Variants in PPARA observed in about 807,000 individuals in gnomAD.
PPARA encodes the protein peroxisome proliferator activated receptor alpha.
Under a neutral mutation model 42.2 loss-of-function variants are expected in PPARA, and 22 were observed. The ratio of observed to expected loss-of-function variants is 0.52; its 90% confidence interval spans 0.37 to 0.74. The LOEUF (loss-of-function observed/expected upper bound fraction) is 0.74, where lower values mean the gene tolerates loss of function less well. PPARA is among the 30% of genes least tolerant of loss of function. The pLI, the probability that PPARA is intolerant of heterozygous loss-of-function variation, is 0.00. For missense variants in PPARA, 465 were observed against 608.2 expected (o/e 0.76, Z 2.48); for synonymous variants, 242 against 239.3 (o/e 1.01, Z -0.10).
chr22:46,205,533 TA>T (rs1569225957), intron 4 of PPARA, among the ~76,000 whole-genome samples: 173 of 32,858 alleles, frequency 5.3e-3, no homozygotes, highest in African/African-American at 0.013. Context: ...TATATATATA[TA>T]TATATATATA....
At chr22:46,220,053 T>C (rs1471720695) in intron 7 of PPARA, 39 bp downstream of exon 7, 4 of 1,598,360 alleles carry the variant, frequency 2.5e-6, no homozygotes, top group Non-Finnish European at 8.6e-7. Context: ...CTTGGCAACA[T>C]GGAACCAGTG....
At position 46,173,602 on chromosome 22, in the gene PPARA, C is replaced by G. The variant is rs1482841694; in HGVS notation, c.-126-3151C>G. Among the ~76,000 whole-genome samples the G allele has an allele frequency of 6.6e-6, 1 of 151,970 alleles. No homozygotes were observed. The highest frequency in any genetic ancestry group is 2.4e-5 in the African/African-American group (1 of 41,360). ...TATCATAAAAGACAAAGAAAAGCTGCGGAAATGTTTCAGATTAAAAGAGAG... is the reference window on the plus strand; with the variant it reads ...TATCATAAAAGACAAAGAAAAGCTGGGGAAATGTTTCAGATTAAAAGAGAG... On this transcript the variant is annotated intron_variant, in intron 2 of 8. Coordinates refer to ENST00000407236, the MANE Select transcript of PPARA (RefSeq NM_005036.6). The surrounding 1 kb of genome is among the most constrained non-coding windows in gnomAD (Gnocchi z 4.3).
rs1931159749 is a variant in PPARA, at chr22:46,188,776, G to A, written c.-42-9566G>A. The A allele has an allele frequency of 6.6e-6, 1 of 152,214 alleles. No homozygotes were observed. Among genetic ancestry groups the A allele is most frequent in the Admixed American group, 6.5e-5 (1 of 15,272 alleles). The allele number at this position is 152,214 out of a possible 1,614,324, so 9.4% of individuals were successfully genotyped here. Reference sequence around the variant, plus strand: ...GGGCTGTGGATCCCTTCAAAGCTGAGATTGCCTGTCTGTGGTCTCCAGCGT... The same window carrying A: ...GGGCTGTGGATCCCTTCAAAGCTGAAATTGCCTGTCTGTGGTCTCCAGCGT... On this transcript the variant is annotated intron_variant, in intron 3 of 8. Transcript: ENST00000407236. The surrounding 1 kb of genome is among the most constrained non-coding windows in gnomAD (Gnocchi z 5.0).
In PPARA at chr22:46,193,389, G is replaced by A. The variant is rs1013954924; in HGVS notation, c.-42-4953G>A. Among the ~76,000 whole-genome samples, 1 of 152,060 alleles carries A rather than the reference G, an allele frequency of 6.6e-6. No homozygotes were observed. Among genetic ancestry groups the A allele is most frequent in the African/African-American group, 2.4e-5 (1 of 41,404 alleles). ...CCACTGTTTGATAGCATAATAGGGC[G>A]ACTATAGTCAATAATAACTTAATGG... On this transcript the variant is annotated intron_variant, in intron 3 of 8. Coordinates refer to ENST00000407236, the MANE Select transcript of PPARA (RefSeq NM_005036.6). The surrounding 1 kb of genome is among the most constrained non-coding windows in gnomAD (Gnocchi z 5.3).
In PPARA at chr22:46,225,841, A is replaced by G. The variant is rs376166282; in HGVS notation, c.711+5827A>G. ...TGCACACAGACGCACCTCCACCCCCACACACGCACACACACACATGCACCC... is the reference window on the plus strand; with the variant it reads ...TGCACACAGACGCACCTCCACCCCCGCACACGCACACACACACATGCACCC... On this transcript the variant is annotated intron_variant, in intron 7 of 8. Transcript: ENST00000407236. The surrounding 1 kb of genome is among the most constrained non-coding windows in gnomAD (Gnocchi z 4.1). Among the ~76,000 whole-genome samples, 6 of 151,504 alleles carry G rather than the reference A, an allele frequency of 4.0e-5. No individual in the cohort carries two copies. Among genetic ancestry groups the G allele is most frequent in the Non-Finnish European group, 7.4e-5 (5 of 67,918 alleles).
Position 46,200,489 on chromosome 22 carries a change from A to G in PPARA, c.208+1898A>G, listed in dbSNP as rs759803791. 6.6e-6 allele frequency among the ~76,000 whole-genome samples: 1 copy of G among 152,270 alleles called. No individual in the cohort carries two copies. Among genetic ancestry groups the G allele is most frequent in the Non-Finnish European group, 1.5e-5 (1 of 68,040 alleles). ...TGCGTCTAAACATACCAAAACATATAGTAGAAAAGGTTACAGCAAAAATAC... is the reference window on the plus strand; with the variant it reads ...TGCGTCTAAACATACCAAAACATATGGTAGAAAAGGTTACAGCAAAAATAC... On this transcript the variant is annotated intron_variant, in intron 4 of 8. Transcript: ENST00000407236. The surrounding 1 kb of genome is among the most constrained non-coding windows in gnomAD (Gnocchi z 4.8).
rs1416261779 is a variant in PPARA, at chr22:46,234,099, C to G, written c.1160-1034C>G. 6.6e-6 allele frequency among the ~76,000 whole-genome samples: 1 copy of G among 152,116 alleles called. No homozygotes were observed. ...TCGGCCTCCCAAAGTGCTGGGATTACAGGCATGAGCCACTGCACCCGGCAA... is the reference window on the plus strand; with the variant it reads ...TCGGCCTCCCAAAGTGCTGGGATTAGAGGCATGAGCCACTGCACCCGGCAA... On this transcript the variant is annotated intron_variant, in intron 8 of 8. Transcript: ENST00000407236. This position sits in a 1 kb window ranked among gnomAD's most constrained non-coding sequence, Gnocchi z 5.8.
intron 4 of PPARA, among the ~76,000 whole-genome samples, chr22:46,209,596 T>G (rs1282265111): frequency 6.6e-6 from 1 of 152,224 alleles, no homozygotes; most frequent in African/African-American, 2.4e-5. Flanking sequence ...AATCTGCTCC[T>G]AATCCTATCC....
chr22:46,214,522 T>C (rs1044065833), intron 4 of PPARA, among the ~76,000 whole-genome samples: 2 of 78,610 alleles, frequency 2.5e-5, no homozygotes, highest in Non-Finnish European at 4.8e-5. Context: ...AGAGCGGAGA[T>C]GTGTGGATCA....
chr22:46,222,447 T>C lies in PPARA; in HGVS notation c.711+2433T>C, dbSNP rs1376610238. Among the ~76,000 whole-genome samples, 1 of 152,242 alleles carries C rather than the reference T, an allele frequency of 6.6e-6. No individual in the cohort carries two copies. The highest frequency in any genetic ancestry group is 1.9e-4 in the East Asian group (1 of 5,200). On this transcript the variant is annotated intron_variant, in intron 7 of 8. Coordinates refer to ENST00000407236, the MANE Select transcript of PPARA (RefSeq NM_005036.6). The surrounding 1 kb of genome is among the most constrained non-coding windows in gnomAD (Gnocchi z 5.9). Reference sequence around the variant, plus strand: ...GAAAATAAAGCATTTCACAAGCTACTTACTTTCATGAACAAACCAAACCTC... The same window carrying C: ...GAAAATAAAGCATTTCACAAGCTACCTACTTTCATGAACAAACCAAACCTC...
Position 46,204,031 on chromosome 22 carries a change from C to G in PPARA, c.208+5440C>G, listed in dbSNP as rs1310294856. Among the ~76,000 whole-genome samples the G allele has an allele frequency of 6.6e-6, 1 of 152,256 alleles. No homozygotes were observed. Among genetic ancestry groups the G allele is most frequent in the African/African-American group, 2.4e-5 (1 of 41,468 alleles). On this transcript the variant is annotated intron_variant, in intron 4 of 8. Coordinates refer to ENST00000407236, the MANE Select transcript of PPARA (RefSeq NM_005036.6). The surrounding 1 kb of genome is among the most constrained non-coding windows in gnomAD (Gnocchi z 5.2). ...GCCCCGTGCCTCCCTGCCTCCCTCC[C>G]CCAGTAAACCATGAATCCACTTTCT...
chr22:46,239,694 C>G lies in PPARA; in HGVS notation c.*4314C>G, dbSNP rs1018769250. ...CCCCTCTCCTCTTCACCTCTTCCTG[C>G]TGGCCACGAGGAAGCCACTTCCTCA... On this transcript the variant is annotated 3_prime_UTR_variant, in exon 9 of 9. Coordinates refer to ENST00000407236, the MANE Select transcript of PPARA (RefSeq NM_005036.6). The G allele has an allele frequency of 2.8e-5, 4 of 140,978 alleles. No homozygotes were observed. Among genetic ancestry groups the G allele is most frequent in the African/African-American group, 1.1e-4 (4 of 37,284 alleles). The allele number at this position is 140,978 out of a possible 1,614,324, so 8.7% of individuals were successfully genotyped here. A position where few individuals can be genotyped will look rare whatever the true frequency, so the allele number is the denominator to read the frequency against.
rs1426574902 is a variant in PPARA at position 46,188,501 on chromosome 22, T to C, written c.-42-9841T>C. 6.6e-6 allele frequency among the ~76,000 whole-genome samples: 1 copy of C among 152,192 alleles called. No homozygotes were observed. The highest frequency in any genetic ancestry group is 1.5e-5 in the Non-Finnish European group (1 of 68,034). ...GTAACAGCCCTCATCATGCTGCCTT[T>C]GCAACCATTTGTTTATTTGTACCTC... On this transcript the variant is annotated intron_variant, in intron 3 of 8. Transcript: ENST00000407236. The surrounding 1 kb of genome is among the most constrained non-coding windows in gnomAD (Gnocchi z 5.0).
intron 4 of PPARA, among the ~76,000 whole-genome samples, chr22:46,205,316 A>G (rs1386277649): frequency 1.3e-5 from 2 of 150,984 alleles, no homozygotes; most frequent in African/African-American, 4.9e-5. Flanking sequence ...TCCCAGGCCC[A>G]GGTAATCCTC....
rs1009700504 is a variant in PPARA at position 46,203,825 on chromosome 22, A to G, written c.208+5234A>G. ...GTCCCCGTCCCTTGCGGGCCTGTCC[A>G]GACAAGGGAACCCTGGGCAGGTTCC... On this transcript the variant is annotated intron_variant, in intron 4 of 8. Coordinates refer to ENST00000407236, the MANE Select transcript of PPARA (RefSeq NM_005036.6). This position sits in a 1 kb window ranked among gnomAD's most constrained non-coding sequence, Gnocchi z 5.8. Among the ~76,000 whole-genome samples, 2 of 152,158 alleles carry G rather than the reference A, an allele frequency of 1.3e-5. No homozygotes were observed. The highest frequency in any genetic ancestry group is 2.9e-5 in the Non-Finnish European group (2 of 68,000).
Position 46,215,154 on chromosome 22 carries a change from C to T in PPARA, c.209-19C>T, listed in dbSNP as rs200757129. 3,987 of 1,612,828 alleles carry T rather than the reference C, an allele frequency of 2.5e-3. 7 individuals carry two copies. Among genetic ancestry groups the T allele is most frequent in the Non-Finnish European group, 3.1e-3 (3,711 of 1,179,456 alleles). ...AGTGATGCCTGGACTATTCATCCGT[C>T]TCTCCTCTTTTTCCCCAGACACGCT... On this transcript the variant is annotated intron_variant, in intron 4 of 8. Coordinates refer to ENST00000407236, the MANE Select transcript of PPARA (RefSeq NM_005036.6).
chr22:46,207,924 A>G (rs905847493), intron 4 of PPARA, among the ~76,000 whole-genome samples: 2 of 151,556 alleles, frequency 1.3e-5, no homozygotes, highest in African/African-American at 2.4e-5. Context: ...GCCTCAAGCA[A>G]TCCTCCTACC....
chr22:46,225,533 G>A lies in PPARA; in HGVS notation c.711+5519G>A, dbSNP rs537746417. 3.3e-5 allele frequency among the ~76,000 whole-genome samples: 5 copies of A among 151,876 alleles called. No homozygotes were observed. Among genetic ancestry groups the A allele is most frequent in the Non-Finnish European group, 7.4e-5 (5 of 67,960 alleles). On this transcript the variant is annotated intron_variant, in intron 7 of 8. Transcript: ENST00000407236. This position sits in a 1 kb window ranked among gnomAD's most constrained non-coding sequence, Gnocchi z 4.1. The stretch of plus-strand genomic sequence containing the variant: ...CGCACATACCCACACTCACACATCC[G>A]TGCACACACGGGTACACACACATAC...
intron 3 of PPARA, among the ~76,000 whole-genome samples, chr22:46,194,108 T>C (rs1473659364): frequency 1.3e-5 from 2 of 152,204 alleles, no homozygotes; most frequent in Non-Finnish European, 2.9e-5. Flanking sequence ...GGTGCCCGTT[T>C]GGCCTCTGCT....
Sources: gnomAD v4.1 joint callset for allele counts (sites outside exome capture counted in the v4.1 genomes callset) on GRCh38, gnomAD v4.1.1 for gene constraint, Gnocchi (gnomAD v3.1) non-coding constraint, MANE v1.5 for transcripts, NCBI Gene and HGNC (gene_info 2026-07-23, HGNC 2026-07-21) for gene names.